The following ZBTB11 variants were observed in gnomAD, a reference collection of about 807,000 sequenced individuals.
The protein encoded by ZBTB11 is zinc finger and BTB domain containing 11.
A neutral mutation model predicts 113.1 loss-of-function variants in ZBTB11; 68 were observed. That is an observed-to-expected ratio of 0.60 (90% confidence interval 0.49 to 0.74). The LOEUF is 0.74. ZBTB11 is among the 30% of genes least tolerant of loss of function. ZBTB11 has a pLI of 0.00. For synonymous variants in ZBTB11, 518 were observed against 452.6 expected, an observed-to-expected ratio of 1.14 and a Z score of -1.83; for missense variants, 1,104 against 1,279.4, an observed-to-expected ratio of 0.86 and a Z score of 2.09.
chr3:101,664,713 A>G lies in ZBTB11; in HGVS notation c.1625T>C (p.Val542Ala), dbSNP rs1936951192. 2.5e-6 allele frequency: 4 copies of G among 1,594,178 alleles called. No homozygotes were observed. In the East Asian group the frequency reaches 8.9e-5, roughly 36 times the overall value. ...TCCTCTTTGAACTAACTTCTGAGCC[A>G]CCTAGTAAGGGATAGAAATCACAAT... ...KAVPKSAVQQ[V>A]AQKLVQRGKK... The change falls in exon 5 of 11, where the codon GTG becomes GCG. Residue 542 changes from valine to alanine, a missense_variant and splice_region_variant. Transcript: ENST00000312938.
chr3:101,658,150 G>A (rs1056597914), intron 6 of ZBTB11, among the ~76,000 whole-genome samples: 1 of 152,088 alleles, frequency 6.6e-6, no homozygotes, highest in African/African-American at 2.4e-5. Context: ...ATACCACTCA[G>A]TCATAAAAAT....
chr3:101,666,479 G>A (rs551369377), intron 3 of ZBTB11, among the ~76,000 whole-genome samples: 1 of 150,610 alleles, frequency 6.6e-6, no homozygotes, highest in South Asian at 2.1e-4. Context: ...GTGGTCCTTG[G>A]GCTGTAGTTT....
intron 3 of ZBTB11, among the ~76,000 whole-genome samples, chr3:101,670,306 A>C (rs925646647): frequency 6.6e-6 from 1 of 152,244 alleles, no homozygotes; most frequent in Non-Finnish European, 1.5e-5. Flanking sequence ...AAAGTGATTT[A>C]AGTAATTCAA....
Position 101,671,157 on chromosome 3 carries a change from T to C in ZBTB11, c.751A>G (p.Ser251Gly). ...GAAAGATCCACCACAGCCTCATGAC[T>C]GGAAACAGCTCCTTTCTCAATAAAA... ...DLFIEKGAVS[S>G]HEAVVDLSGF... The change falls in exon 3 of 11, where the codon AGT (serine) becomes GGT (glycine). Residue 251 changes from serine to glycine, a missense_variant. By Grantham distance (56) the Ser-to-Gly change is moderately conservative. Coordinates refer to ENST00000312938, the MANE Select transcript of ZBTB11 (RefSeq NM_014415.4). The C allele has an allele frequency of 6.2e-7, 1 of 1,614,168 alleles. No individual in the cohort carries two copies. Among genetic ancestry groups the C allele is most frequent in the East Asian group, 2.2e-5 (1 of 44,870 alleles).
chr3:101,652,473 C>G (rs755841355), intron 10 of ZBTB11, 23 bp downstream of exon 10: 1 of 1,606,602 alleles, frequency 6.2e-7, no homozygotes, highest in Non-Finnish European at 8.5e-7. Flanking sequence ...TATAAGGATA[C>G]ATATAATATA....
At chr3:101,667,580 A>G (rs1338264789) in intron 3 of ZBTB11, among the ~76,000 whole-genome samples, 1 of 152,114 alleles carries the variant, frequency 6.6e-6, no homozygotes, top group Non-Finnish European at 1.5e-5. Context: ...AGATGTTAGG[A>G]CTCAGGCTGA....
At chr3:101,658,814 G>A (rs1157150927) in intron 6 of ZBTB11, among the ~76,000 whole-genome samples, 1 of 152,024 alleles carries the variant, frequency 6.6e-6, no homozygotes, top group Non-Finnish European at 1.5e-5. Context: ...CTTAAGTAAT[G>A]GGTACACCAA....
Position 101,665,283 on chromosome 3 carries a change from GAAAC to G in ZBTB11, c.1300_1303del (p.Val434LeufsTer12). The G allele has an allele frequency of 1.2e-6, 2 of 1,614,200 alleles. No homozygotes were observed. Among genetic ancestry groups the G allele is most frequent in the Non-Finnish European group, 1.7e-6 (2 of 1,180,032 alleles). ...TTTTGAAAGTTTAGGGTGTATATTA[GAAAC>G]TGTGTTATTTTCTCTGTTGTTTGAA... On this transcript the variant is annotated frameshift_variant, in exon 4 of 11. Transcript: ENST00000312938. LOFTEE classifies it high-confidence loss of function.
At chr3:101,657,342 C>T (rs1936816615) in intron 6 of ZBTB11, among the ~76,000 whole-genome samples, 1 of 150,046 alleles carries the variant, frequency 6.7e-6, no homozygotes. Context: ...CCTGTCTCTA[C>T]TAAAATACAA....
chr3:101,653,685 C>T lies in ZBTB11; in HGVS notation c.2310-747G>A, dbSNP rs537839165. Among the ~76,000 whole-genome samples the T allele has an allele frequency of 2.6e-5, 4 of 152,220 alleles. No individual in the cohort carries two copies. The East Asian group carries it at 7.7e-4, about 29-fold the overall frequency. Reference sequence around the variant, plus strand: ...CAACAAATACATCAAGTAGGAAGCTCCAAAAGCCCATCTCTCCACGAAAGT... The same window carrying T: ...CAACAAATACATCAAGTAGGAAGCTTCAAAAGCCCATCTCTCCACGAAAGT... On this transcript the variant is annotated intron_variant, in intron 8 of 10. Coordinates refer to ENST00000312938, the MANE Select transcript of ZBTB11 (RefSeq NM_014415.4).
intron 7 of ZBTB11, 79 bp from the exon 8 acceptor site, chr3:101,654,900 A>T: frequency 9.1e-7 from 1 of 1,094,398 alleles, no homozygotes; most frequent in Non-Finnish European, 1.4e-6. Flanking sequence ...TTTGAGTGGC[A>T]TCTCACTCTG....
chr3:101,665,006 C>G lies in ZBTB11; in HGVS notation c.1581G>C (p.Lys527Asn). 1 of 1,613,002 alleles carries G rather than the reference C, an allele frequency of 6.2e-7. No individual in the cohort carries two copies. The highest frequency in any genetic ancestry group is 8.5e-7 in the Non-Finnish European group (1 of 1,179,400). Residue 527 changes from lysine (K) to asparagine (N), a missense_variant, in exon 4 of 11, where the codon AAG (lysine) becomes AAC (asparagine). Lys to Asn is a moderately conservative substitution (Grantham distance 94). Transcript: ENST00000312938. ...TGGGAACGGCTTTCCGTTTCTGCAG[C>G]TTTTTCTCCATTCCCTTGTGTAGTC... is the stretch of plus-strand genomic sequence containing the variant. ...YIRLHKGMEKKLQKRKAVPKS... is the reference protein window; with the variant it reads ...YIRLHKGMEKNLQKRKAVPKS...
rs1046699085 is a variant in ZBTB11 at position 101,649,494 on chromosome 3, T to A, written c.*1672A>T. On this transcript the variant is annotated 3_prime_UTR_variant, in exon 11 of 11. Transcript: ENST00000312938. ...TTATTTACATGTTTATGACATACAT[T>A]AATGGTCATACACAATTTTTAAACT... The A allele has an allele frequency of 6.6e-6, 1 of 152,228 alleles. No individual in the cohort carries two copies. The highest frequency in any genetic ancestry group is 1.5e-5 in the Non-Finnish European group (1 of 68,040). The allele number at this position is 152,228 out of a possible 1,614,324, so 9.4% of individuals were successfully genotyped here. A position where few individuals can be genotyped will look rare whatever the true frequency, so the allele number is the denominator to read the frequency against.
At chr3:101,652,754 T>C in intron 9 of ZBTB11, 26 bp downstream of exon 9, 1 of 1,609,692 alleles carries the variant, frequency 6.2e-7, no homozygotes, top group Non-Finnish European at 8.5e-7. Context: ...ATCAATTAAG[T>C]TCAGCTCCTT....
intron 3 of ZBTB11, 64 bp downstream of exon 3, chr3:101,671,066 T>C: frequency 7.3e-7 from 1 of 1,374,026 alleles, no homozygotes; most frequent in Non-Finnish European, 1.0e-6. Flanking sequence ...GTGGAAGACA[T>C]ACATATCCCC....
chr3:101,663,273 T>C (rs907986731), intron 5 of ZBTB11, among the ~76,000 whole-genome samples: 2 of 152,098 alleles, frequency 1.3e-5, no homozygotes, highest in East Asian at 3.9e-4. Flanking sequence ...GGTTTCACCA[T>C]GTTGCCCAGG....
At chr3:101,660,075 TG>T (rs1936862695) in intron 5 of ZBTB11, 47 bp from the exon 6 acceptor site, 1 of 1,576,398 alleles carries the variant, frequency 6.3e-7, no homozygotes, top group Non-Finnish European at 8.7e-7. Context: ...CATTACAAAA[TG>T]TTAACTGAAA....
intron 8 of ZBTB11, 26 bp downstream of exon 8, chr3:101,654,678 G>C: frequency 6.5e-7 from 1 of 1,549,642 alleles, no homozygotes; most frequent in Non-Finnish European, 8.8e-7. Context: ...TAAATTAACT[G>C]AATGCCTCAC....
Position 101,665,461 on chromosome 3 carries a change from G to C in ZBTB11, c.1126C>G (p.Gln376Glu), listed in dbSNP as rs763473272. The change falls in exon 4 of 11, where the codon CAG (glutamine) becomes GAG (glutamate). Residue 376 changes from glutamine to glutamate, a missense_variant. Gln to Glu is a conservative substitution (Grantham distance 29, BLOSUM62 2). This residue lies in a region of ZBTB11 where 535 missense variants were observed against 518.6 expected (regional missense o/e 1.03). Transcript: ENST00000312938. The stretch of plus-strand genomic sequence containing the variant: ...GGCTGTCGTCCTACCTCTCCATTCT[G>C]CTCAGCTTCTGGCAATTCTCCATTT... ...LVNGELPEAE[Q>E]NGEVGRQPEP... The C allele has an allele frequency of 6.2e-7, 1 of 1,614,086 alleles. No homozygotes were observed. The highest frequency in any genetic ancestry group is 2.2e-5 in the East Asian group (1 of 44,884).
Sources: gnomAD v4.1 joint callset for allele counts (sites outside exome capture counted in the v4.1 genomes callset) on GRCh38, gnomAD v4.1.1 for gene constraint, gnomAD v4.1.1 regional missense constraint, MANE v1.5 for transcripts, NCBI Gene and HGNC (gene_info 2026-07-23, HGNC 2026-07-21) for gene names.